EFCAB13: variants seen among roughly 807,000 people sequenced by gnomAD.
EFCAB13 encodes the protein EF-hand calcium-binding domain-containing protein 13.
EFCAB13 carries 91 observed loss-of-function variants against 110.2 expected under a neutral mutation model. The observed-to-expected ratio is 0.83, with a 90% CI of 0.70 to 0.98. The LOEUF is 0.98. Among genes scored for constraint, EFCAB13 ranks in the 50% least tolerant of loss-of-function variants. EFCAB13 has a pLI of 0.00. For missense variants in EFCAB13, 968 were observed against 1,119.4 expected, an observed-to-expected ratio of 0.86 and a Z score of 1.93; for synonymous variants, 323 against 369.9, an observed-to-expected ratio of 0.87 and a Z score of 1.45.
chr17:47,414,639 G>C (rs1016970775), intron 22 of EFCAB13, among the ~76,000 whole-genome samples: 4 of 152,084 alleles, frequency 2.6e-5, no homozygotes, highest in Admixed American at 6.5e-5. Flanking sequence ...ACTCAAAAAT[G>C]TTAGCTATTG....
chr17:47,419,941 T>A (rs994200071), intron 23 of EFCAB13, among the ~76,000 whole-genome samples: 2 of 151,140 alleles, frequency 1.3e-5, no homozygotes, highest in Admixed American at 1.3e-4. Flanking sequence ...TCCCTCTCCC[T>A]CCCTCTCCCC....
chr17:47,366,285 G>C (rs2143332741), intron 10 of EFCAB13, among the ~76,000 whole-genome samples: 1 of 151,644 alleles, frequency 6.6e-6, no homozygotes, highest in East Asian at 1.9e-4. Flanking sequence ...CAGGTATTTT[G>C]GTTTCTGAAA....
intron 20 of EFCAB13, among the ~76,000 whole-genome samples, chr17:47,407,758 T>C (rs1012517096): frequency 2.0e-5 from 3 of 152,224 alleles, no homozygotes; most frequent in African/African-American, 7.2e-5. Context: ...GTTTTTTGTT[T>C]GTTTTTTGTT....
chr17:47,408,820 C>G (rs1022762066), intron 20 of EFCAB13, among the ~76,000 whole-genome samples: 23 of 152,090 alleles, frequency 1.5e-4, no homozygotes, highest in African/African-American at 5.1e-4. Flanking sequence ...GCTAAACATC[C>G]TACAATTTAC....
intron 14 of EFCAB13, among the ~76,000 whole-genome samples, chr17:47,388,401 C>A (rs948241745): frequency 5.9e-5 from 9 of 152,010 alleles, no homozygotes; most frequent in Admixed American, 3.3e-4. Context: ...TTCTCTGTGC[C>A]CCCAGGAGTC....
At chr17:47,344,517 C>T (rs1414078419) in intron 7 of EFCAB13, among the ~76,000 whole-genome samples, 1 of 152,094 alleles carries the variant, frequency 6.6e-6, no homozygotes, top group Non-Finnish European at 1.5e-5. Context: ...CATCTCTGGG[C>T]ATCACTTTCC....
chr17:47,362,275 AT>A (rs2065518539), intron 10 of EFCAB13, among the ~76,000 whole-genome samples: 1 of 152,156 alleles, frequency 6.6e-6, no homozygotes, highest in African/African-American at 2.4e-5. Flanking sequence ...CCTAGGAAAA[AT>A]CAGGCCATAC....
chr17:47,403,582 G>A (rs2065789646), intron 18 of EFCAB13, among the ~76,000 whole-genome samples: 2 of 152,116 alleles, frequency 1.3e-5, no homozygotes, highest in South Asian at 4.2e-4. Flanking sequence ...AATTTTATTT[G>A]ATATCATTAG....
At position 47,374,698 on chromosome 17, in the gene EFCAB13, A is replaced by T; in HGVS notation, c.1104A>T (p.Lys368Asn). The T allele has an allele frequency of 6.2e-7, 1 of 1,613,056 alleles. No homozygotes were observed. Among genetic ancestry groups the T allele is most frequent in the Non-Finnish European group, 8.5e-7 (1 of 1,179,780 alleles). The part of the protein sequence containing the change: ...KRPKNTWQIR[K>N]FLGGVGSSNV... ...CAAAAAATACTTGGCAAATAAGAAA[A>T]TTTCTGGGTGGGGTTGGCAGCAGTA... is the stretch of plus-strand genomic sequence containing the variant. Residue 368 changes from lysine (K) to asparagine (N), a missense_variant, in exon 12 of 25, where the codon AAA (lysine) becomes AAT (asparagine). By Grantham distance (94) the Lys-to-Asn change is moderately conservative (BLOSUM62 0). Coordinates refer to ENST00000331493, the MANE Select transcript of EFCAB13 (RefSeq NM_152347.5).
chr17:47,339,929 G>T (rs1248479498), intron 5 of EFCAB13: 1 of 152,058 alleles, frequency 6.6e-6, no homozygotes, highest in African/African-American at 2.4e-5. Flanking sequence ...TTGTCTTCCG[G>T]AGATAAGGAA....
chr17:47,364,134 A>G (rs1217018304), intron 10 of EFCAB13, among the ~76,000 whole-genome samples: 5 of 152,184 alleles, frequency 3.3e-5, no homozygotes, highest in African/African-American at 4.8e-5. Context: ...TTAAATATAA[A>G]CATTTATCAC....
At position 47,429,972 on chromosome 17, in the gene EFCAB13, T is replaced by G; in HGVS notation, c.2638+11T>G. 1.3e-6 allele frequency: 2 copies of G among 1,588,406 alleles called. No individual in the cohort carries two copies. Among genetic ancestry groups the G allele is most frequent in the Non-Finnish European group, 1.7e-6 (2 of 1,163,716 alleles). On this transcript the variant is annotated intron_variant, in intron 24 of 24. Transcript: ENST00000331493. ...ATGTACCTGAACATGGTTAGTAGTTTCAATGCGTCTATCTTATAAGGACCA... is the reference window on the plus strand; with the variant it reads ...ATGTACCTGAACATGGTTAGTAGTTGCAATGCGTCTATCTTATAAGGACCA...
intron 10 of EFCAB13, among the ~76,000 whole-genome samples, chr17:47,362,639 G>A (rs1392000614): frequency 6.6e-6 from 1 of 152,152 alleles, no homozygotes; most frequent in Non-Finnish European, 1.5e-5. Context: ...GTGCTTCAGT[G>A]GTCACACTCC....
chr17:47,409,836 A>C, intron 21 of EFCAB13, 145 bp downstream of exon 21: 1 of 611,600 alleles, frequency 1.6e-6, no homozygotes, highest in Non-Finnish European at 2.9e-6. Context: ...TGATCATGTT[A>C]CCTCCCCCTA....
intron 23 of EFCAB13, among the ~76,000 whole-genome samples, chr17:47,416,109 T>C (rs1337742425): frequency 6.6e-6 from 1 of 152,186 alleles, no homozygotes; most frequent in East Asian, 1.9e-4. Context: ...TTTAATCAGA[T>C]GTAGCTTTTA....
chr17:47,334,719 C>T (rs1393348468), intron 4 of EFCAB13, among the ~76,000 whole-genome samples: 1 of 151,866 alleles, frequency 6.6e-6, no homozygotes, highest in East Asian at 1.9e-4. Context: ...AGTTCGAGAC[C>T]AGCCTTGGCA....
rs577285556 is a variant in EFCAB13, at chr17:47,398,013, G to T, written c.1945+2036G>T. 1.5e-4 allele frequency among the ~76,000 whole-genome samples: 23 copies of T among 148,826 alleles called. 1 individual carries two copies. Among genetic ancestry groups the T allele is most frequent in the Admixed American group, 1.5e-3 (22 of 15,088 alleles). On this transcript the variant is annotated intron_variant, in intron 17 of 24. Transcript: ENST00000331493. ...GCCAGCCGCCCCGTCCGGGAGGGAG[G>T]TGGGGGGATCAGCCCCTGCCCGGCC...
At chr17:47,397,027 T>TCAC in intron 17 of EFCAB13, among the ~76,000 whole-genome samples, 1 of 79,410 alleles carries the variant, frequency 1.3e-5, no homozygotes, top group South Asian at 4.8e-4. Flanking sequence ...CCTCTCCCCC[T>TCAC]CCCCCTCCCC....
At chr17:47,396,002 A>G in intron 17 of EFCAB13, 25 bp downstream of exon 17, 1 of 1,568,992 alleles carries the variant, frequency 6.4e-7, no homozygotes, top group Non-Finnish European at 8.7e-7. Flanking sequence ...TACTAAAATT[A>G]AAAAGTATAC....
Sources: allele counts gnomAD v4.1 joint callset (sites outside exome capture counted in the v4.1 genomes callset), GRCh38; gene constraint gnomAD v4.1.1; transcripts MANE v1.5; gene names NCBI Gene and HGNC (gene_info 2026-07-23, HGNC 2026-07-21).